LARP1: variants seen among roughly 807,000 people sequenced by gnomAD.
LARP1 encodes the protein la-related protein 1.
A neutral mutation model predicts 122.7 loss-of-function variants in LARP1; 36 were observed. The ratio of observed to expected loss-of-function variants is 0.29; its 90% confidence interval spans 0.22 to 0.39. The LOEUF (loss-of-function observed/expected upper bound fraction) is 0.39. Among genes scored for constraint, LARP1 ranks in the 10% least tolerant of loss-of-function variants. The pLI, the probability that LARP1 is intolerant of heterozygous loss-of-function variation, is 1.00. For missense variants in LARP1, 1,040 were observed against 1,403.6 expected (o/e 0.74, Z 4.14); for synonymous variants, 539 against 528.7 (o/e 1.02, Z -0.27).
chr5:154,686,484 G>A (rs1346387272), intron 1 of LARP1, among the ~76,000 whole-genome samples: 3 of 152,186 alleles, frequency 2.0e-5, no homozygotes, highest in Non-Finnish European at 4.4e-5. Flanking sequence ...AATATGTTTT[G>A]TGAATTACCT....
At position 154,811,187 on chromosome 5, in the gene LARP1, C is replaced by T. The variant is rs1759243805; in HGVS notation, c.2844-60C>T. 7.3e-6 allele frequency: 9 copies of T among 1,234,040 alleles called. No individual in the cohort carries two copies. In the Admixed American group the frequency reaches 1.6e-4, roughly 21 times the overall value. 76.4% of individuals were successfully genotyped at this position (1,234,040 alleles called of 1,614,324 possible). A position where few individuals can be genotyped will look rare whatever the true frequency, so the allele number is the denominator to read the frequency against. On this transcript the variant is annotated intron_variant, in intron 16 of 18. Transcript: ENST00000518297. ...TTTCATAGTTCCTCTGTTATGCAGG[C>T]ACATTTCCCGTTTTACAGATGAAGA... is the stretch of plus-strand genomic sequence containing the variant.
chr5:154,706,385 A>G (rs1050651731), intron 1 of LARP1, among the ~76,000 whole-genome samples: 17 of 151,870 alleles, frequency 1.1e-4, no homozygotes, highest in African/African-American at 4.1e-4. Context: ...TACAAAAAGA[A>G]TGAAATCATG....
intron 1 of LARP1, among the ~76,000 whole-genome samples, chr5:154,694,348 C>T (rs1754371450): frequency 6.6e-6 from 1 of 152,140 alleles, no homozygotes; most frequent in Non-Finnish European, 1.5e-5. Context: ...GCTCAAATTC[C>T]TAGACTCAAG....
intron 1 of LARP1, among the ~76,000 whole-genome samples, chr5:154,745,711 A>G (rs903441323): frequency 2.0e-5 from 3 of 152,120 alleles, no homozygotes; most frequent in Non-Finnish European, 4.4e-5. Flanking sequence ...TTACAGATGG[A>G]GACACTGAAA....
chr5:154,799,052 T>A (rs1393789218), intron 8 of LARP1, among the ~76,000 whole-genome samples: 1 of 152,140 alleles, frequency 6.6e-6, no homozygotes, highest in Non-Finnish European at 1.5e-5. Flanking sequence ...TTAGTAGAGA[T>A]GGGGTTTCAC....
intron 1 of LARP1, among the ~76,000 whole-genome samples, chr5:154,778,258 T>TTAAAAAA (rs1326085254): frequency 0.055 from 6,617 of 119,280 alleles, 160 homozygotes; most frequent in South Asian, 0.085. Flanking sequence ...AGACTCCGTC[T>TTAAAAAA]AAAAAAAAAA....
intron 1 of LARP1, among the ~76,000 whole-genome samples, chr5:154,716,932 C>T (rs1029688837): frequency 6.6e-6 from 1 of 151,992 alleles, no homozygotes; most frequent in Non-Finnish European, 1.5e-5. Flanking sequence ...TCATTGAGTG[C>T]ATCTGTTGTC....
chr5:154,779,006 G>A (rs1756160069), intron 1 of LARP1, among the ~76,000 whole-genome samples: 1 of 151,932 alleles, frequency 6.6e-6, no homozygotes, highest in Admixed American at 6.6e-5. Flanking sequence ...GCTAAATCTG[G>A]CAACCATATT....
At chr5:154,684,142 C>A (rs1054552198) in intron 1 of LARP1, among the ~76,000 whole-genome samples, 1 of 152,094 alleles carries the variant, frequency 6.6e-6, no homozygotes, top group African/African-American at 2.4e-5. Context: ...GTACATGATT[C>A]CTGTAAAGTG....
chr5:154,805,799 A>G (rs1758728850), intron 14 of LARP1, 82 bp from the exon 15 acceptor site: 2 of 1,451,880 alleles, frequency 1.4e-6, no homozygotes, highest in Non-Finnish European at 1.9e-6. Flanking sequence ...CTTGGCTGAC[A>G]GAACGGATCA....
chr5:154,799,671 C>T lies in LARP1; in HGVS notation c.1458C>T (p.Pro486=). Residue 486 remains proline (P), a synonymous_variant, in exon 9 of 19, where the codon CCC becomes CCT. Coordinates refer to ENST00000518297, the MANE Select transcript of LARP1 (RefSeq NM_033551.3). ...RREEPEKWPL[P]PIVDYSQTDF... ...AGGAACCAGAAAAGTGGCCTCTTCC[C>T]CCAATAGTGGATTATTCACAGACTG... The T allele has an allele frequency of 6.2e-7, 1 of 1,614,172 alleles. No individual in the cohort carries two copies. Among genetic ancestry groups the T allele is most frequent in the East Asian group, 2.2e-5 (1 of 44,892 alleles).
chr5:154,726,927 CGTT>C (rs1756251407), intron 1 of LARP1, among the ~76,000 whole-genome samples: 1 of 152,154 alleles, frequency 6.6e-6, no homozygotes, highest in African/African-American at 2.4e-5. Flanking sequence ...GAGACTCACT[CGTT>C]ATCACGAGAA....
chr5:154,701,147 G>T (rs533635604), intron 1 of LARP1, among the ~76,000 whole-genome samples: 3,886 of 152,046 alleles, frequency 0.026, 70 homozygotes, highest in Non-Finnish European at 0.038. Flanking sequence ...TTGTTTGTTT[G>T]TTTTTTGTCT....
At position 154,756,116 on chromosome 5, in the gene LARP1, C is replaced by T. The variant is rs982986550; in HGVS notation, c.359C>T (p.Pro120Leu). The stretch of plus-strand genomic sequence containing the variant: ...GGGCGCCGGGACTTCGTGGAAGCCC[C>T]CCCGCCCAAGGTGAACCCGTGGACT... ...GAGRRDFVEA[P>L]PPKVNPWTKN... The change falls in exon 1 of 19, where the codon CCC (proline) becomes CTC (leucine). Residue 120 changes from proline to leucine, a missense_variant. By Grantham distance (98) the Pro-to-Leu change is moderately conservative. Transcript: ENST00000518297. 2 of 1,241,978 alleles carry T rather than the reference C, an allele frequency of 1.6e-6. No individual in the cohort carries two copies. The highest frequency in any genetic ancestry group is 2.7e-5 in the South Asian group (2 of 73,314). The allele number at this position is 1,241,978 out of a possible 1,614,324, so 76.9% of individuals were successfully genotyped here.
chr5:154,781,379 T>TC (rs1281825162), intron 1 of LARP1, among the ~76,000 whole-genome samples: 2 of 152,072 alleles, frequency 1.3e-5, no homozygotes, highest in African/African-American at 4.8e-5. Context: ...GGATCACGAG[T>TC]CAGGAGATCG....
chr5:154,708,643 C>A (rs1270407063), upstream of LARP1, among the ~76,000 whole-genome samples: 2 of 152,096 alleles, frequency 1.3e-5, no homozygotes, highest in African/African-American at 4.8e-5. Context: ...GACAGAGTTT[C>A]ATTCTTGTTG....
intron 1 of LARP1, among the ~76,000 whole-genome samples, chr5:154,695,481 A>AC (rs1754426668): frequency 6.6e-6 from 1 of 151,612 alleles, no homozygotes; most frequent in Non-Finnish European, 1.5e-5. Context: ...ACATGGTGAA[A>AC]CCCCGTCTCT....
upstream of LARP1, among the ~76,000 whole-genome samples, chr5:154,711,122 T>C (rs1356780157): frequency 6.6e-6 from 1 of 151,792 alleles, no homozygotes; most frequent in Non-Finnish European, 1.5e-5. Context: ...GTGTCAGGAT[T>C]TTGTTCTTCA....
At chr5:154,691,133 G>C (rs1754180769) in intron 1 of LARP1, among the ~76,000 whole-genome samples, 2 of 151,906 alleles carry the variant, frequency 1.3e-5, no homozygotes, top group Non-Finnish European at 1.5e-5. Context: ...GTGGTGGCGG[G>C]CGCCTGTAGT....
Sources: allele counts gnomAD v4.1 joint callset (sites outside exome capture counted in the v4.1 genomes callset), GRCh38; gene constraint gnomAD v4.1.1; transcripts MANE v1.5; gene names NCBI Gene and HGNC (gene_info 2026-07-23, HGNC 2026-07-21).